Variants in AADACL2 observed in about 807,000 individuals in gnomAD.
The protein encoded by AADACL2 is arylacetamide deacetylase like 2.
Under a neutral mutation model 22.3 loss-of-function variants are expected in AADACL2, and 23 were observed. That is an observed-to-expected ratio of 1.03 (90% confidence interval 0.74 to 1.46). The LOEUF (loss-of-function observed/expected upper bound fraction) is 1.46, where lower values mean the gene tolerates loss of function less well. AADACL2 is among the 40% of genes most tolerant of loss of function. AADACL2 has a pLI of 0.00. For synonymous variants in AADACL2, 177 were observed against 166.2 expected, an observed-to-expected ratio of 1.07 and a Z score of -0.50; for missense variants, 472 against 482.9, an observed-to-expected ratio of 0.98 and a Z score of 0.21.
chr3:151,735,207 T>A (rs1301391432), intron 1 of AADACL2, among the ~76,000 whole-genome samples: 1 of 152,206 alleles, frequency 6.6e-6, no homozygotes, highest in Non-Finnish European at 1.5e-5. Context: ...AAGTGTCACT[T>A]CCACAGAGAA....
At chr3:151,738,783 A>G (rs1367341529) in intron 1 of AADACL2, among the ~76,000 whole-genome samples, 1 of 152,106 alleles carries the variant, frequency 6.6e-6, no homozygotes, top group Non-Finnish European at 1.5e-5. Context: ...CACTCGATTG[A>G]TTGAGCTATT....
intron 4 of AADACL2, among the ~76,000 whole-genome samples, chr3:151,753,519 A>G (rs1284331957): frequency 6.6e-6 from 1 of 152,122 alleles, no homozygotes; most frequent in Non-Finnish European, 1.5e-5. Flanking sequence ...TTCATAGTTT[A>G]TCCAGATACT....
At position 151,740,661 on chromosome 3, in the gene AADACL2, A is replaced by C; in HGVS notation, c.154A>C (p.Asn52His). 6.2e-7 allele frequency: 1 copy of C among 1,608,452 alleles called. No individual in the cohort carries two copies. The highest frequency in any genetic ancestry group is 8.5e-7 in the Non-Finnish European group (1 of 1,176,816). Residue 52 changes from asparagine to histidine, a missense_variant, in exon 2 of 5, where the codon AAT becomes CAT. Asn to His is a moderately conservative substitution (Grantham distance 68). This residue lies in a region of AADACL2 where 356 missense variants were observed against 365.5 expected (regional missense o/e 0.97). Coordinates refer to ENST00000356517, the MANE Select transcript of AADACL2 (RefSeq NM_207365.4). ...GTTCTTACAGGCTATGTGTTTTGAAAATATGCGTATTATGAGATATGAAGA... is the reference window on the plus strand; with the variant it reads ...GTTCTTACAGGCTATGTGTTTTGAACATATGCGTATTATGAGATATGAAGA... Reference protein sequence around the residue: ...TCTFTAMCFENMRIMRYEEFI... With the variant: ...TCTFTAMCFEHMRIMRYEEFI...
chr3:151,758,296 A>C lies in AADACL2; in HGVS notation c.*702A>C, dbSNP rs1714023942. On this transcript the variant is annotated 3_prime_UTR_variant, in exon 5 of 5. Coordinates refer to ENST00000356517, the MANE Select transcript of AADACL2 (RefSeq NM_207365.4). ...TCCAATCTCTTTCTGCTTCATCTTC[A>C]CATTGCCTTCTTCTCTGCCTGTGTC... 1 of 152,154 alleles carries C rather than the reference A, an allele frequency of 6.6e-6. No individual in the cohort carries two copies. Among genetic ancestry groups the C allele is most frequent in the Admixed American group, 6.6e-5 (1 of 15,244 alleles). 9.4% of individuals were successfully genotyped at this position (152,154 alleles called of 1,614,324 possible). A position where few individuals can be genotyped will look rare whatever the true frequency, so the allele number is the denominator to read the frequency against.
intron 4 of AADACL2, 90 bp downstream of exon 4, chr3:151,745,770 G>C (rs1713424694): frequency 7.6e-7 from 1 of 1,319,066 alleles, no homozygotes; most frequent in South Asian, 1.5e-5. Context: ...ACCATTTGTT[G>C]AAAAGACCAT....
At chr3:151,754,123 T>C (rs1713783269) in intron 4 of AADACL2, among the ~76,000 whole-genome samples, 1 of 152,108 alleles carries the variant, frequency 6.6e-6, no homozygotes, top group East Asian at 1.9e-4. Context: ...GATCATCCCT[T>C]CTCTGACTTT....
intron 2 of AADACL2, among the ~76,000 whole-genome samples, chr3:151,742,584 T>C (rs62274238): frequency 0.32 from 48,615 of 151,758 alleles, 8,061 homozygotes; most frequent in East Asian, 0.55. Context: ...GAAACGGATT[T>C]CTTGTGGCTG....
rs542139648 is a variant in AADACL2, at chr3:151,759,338, A to G, written c.*1744A>G. ...GAAAACAAGTCCTAGAAATCTCTTC[A>G]TTTTGACAGCAAGTGCTGATTTGTA... On this transcript the variant is annotated 3_prime_UTR_variant, in exon 5 of 5. Transcript: ENST00000356517. 1.8e-4 allele frequency: 28 copies of G among 152,252 alleles called. No homozygotes were observed. The highest frequency in any genetic ancestry group is 6.7e-4 in the African/African-American group (28 of 41,560). The allele number at this position is 152,252 out of a possible 1,614,324, so 9.4% of individuals were successfully genotyped here.
chr3:151,748,626 T>C (rs1713540426), intron 4 of AADACL2, among the ~76,000 whole-genome samples: 1 of 152,222 alleles, frequency 6.6e-6, no homozygotes, highest in Non-Finnish European at 1.5e-5. Context: ...GAGCAGATTA[T>C]TAAAAACAAT....
chr3:151,743,828 C>T (rs986227), intron 2 of AADACL2, among the ~76,000 whole-genome samples: 3 of 151,836 alleles, frequency 2.0e-5, no homozygotes, highest in Non-Finnish European at 4.4e-5. Flanking sequence ...GACGATATTA[C>T]AATAGGCTGA....
chr3:151,741,825 C>T (rs1713287577), intron 2 of AADACL2, among the ~76,000 whole-genome samples: 2 of 152,026 alleles, frequency 1.3e-5, no homozygotes, highest in African/African-American at 4.8e-5. Context: ...TTGAAAAATA[C>T]TAAGAAGTAT....
chr3:151,752,136 C>G (rs181997989), intron 4 of AADACL2, among the ~76,000 whole-genome samples: 3 of 148,974 alleles, frequency 2.0e-5, no homozygotes, highest in African/African-American at 7.4e-5. Flanking sequence ...ATTACCTGTA[C>G]TGTGTTTATT....
rs1714051646 is a variant in AADACL2, at chr3:151,758,841, A to G, written c.*1247A>G. On this transcript the variant is annotated 3_prime_UTR_variant, in exon 5 of 5. Coordinates refer to ENST00000356517, the MANE Select transcript of AADACL2 (RefSeq NM_207365.4). ...AATGTGTATATGTATGAGTATGTGC[A>G]TGTGTGTGGGAAAAATCTACCATCC... 1 of 152,094 alleles carries G rather than the reference A, an allele frequency of 6.6e-6. No individual in the cohort carries two copies. The highest frequency in any genetic ancestry group is 6.6e-5 in the Admixed American group (1 of 15,266). 9.4% of individuals were successfully genotyped at this position (152,094 alleles called of 1,614,324 possible).
chr3:151,735,165 C>G (rs1019854560), intron 1 of AADACL2, among the ~76,000 whole-genome samples: 3 of 152,042 alleles, frequency 2.0e-5, no homozygotes, highest in South Asian at 4.1e-4. Flanking sequence ...CTCCAATGCT[C>G]TTACTTCTTG....
At chr3:151,754,580 A>G (rs1178743702) in intron 4 of AADACL2, among the ~76,000 whole-genome samples, 1 of 152,196 alleles carries the variant, frequency 6.6e-6, no homozygotes, top group Non-Finnish European at 1.5e-5. Flanking sequence ...TCATGAAAAT[A>G]AAGTTCATTG....
At chr3:151,747,652 ACACACAC>A (rs1713499862) in intron 4 of AADACL2, among the ~76,000 whole-genome samples, 1 of 151,534 alleles carries the variant, frequency 6.6e-6, no homozygotes, top group African/African-American at 2.4e-5. Context: ...ATACACACAC[ACACACAC>A]CAAATTTTCT....
At chr3:151,756,288 T>C (rs769482804) in intron 4 of AADACL2, among the ~76,000 whole-genome samples, 44 of 152,112 alleles carry the variant, frequency 2.9e-4, no homozygotes, top group Non-Finnish European at 6.0e-4. Context: ...CCTTATCAAG[T>C]ACTTCACATT....
rs971188269 is a variant in AADACL2 at position 151,759,354 on chromosome 3, C to A, written c.*1760C>A. 1 of 152,138 alleles carries A rather than the reference C, an allele frequency of 6.6e-6. No homozygotes were observed. Among genetic ancestry groups the A allele is most frequent in the African/African-American group, 2.4e-5 (1 of 41,430 alleles). 9.4% of individuals were successfully genotyped at this position (152,138 alleles called of 1,614,324 possible). A position where few individuals can be genotyped will look rare whatever the true frequency, so the allele number is the denominator to read the frequency against. On this transcript the variant is annotated 3_prime_UTR_variant, in exon 5 of 5. Transcript: ENST00000356517. ...AATCTCTTCATTTTGACAGCAAGTGCTGATTTGTAAGAAAATCATTAAAAA... is the reference window on the plus strand; with the variant it reads ...AATCTCTTCATTTTGACAGCAAGTGATGATTTGTAAGAAAATCATTAAAAA...
Position 151,744,147 on chromosome 3 carries a change from T to C in AADACL2, c.416T>C (p.Val139Ala). Reference sequence around the variant, plus strand: ...TGGACGGCAAACACGCTTGATGCTGTTGTTGTAGGCGTGGAGTAAGAATGA... The same window carrying C: ...TGGACGGCAAACACGCTTGATGCTGCTGTTGTAGGCGTGGAGTAAGAATGA... ...NRWTANTLDA[V>A]VVGVDYRLAP... Residue 139 changes from valine (V) to alanine (A), a missense_variant, in exon 3 of 5, where the codon GTT (valine) becomes GCT (alanine). Val to Ala is a moderately conservative substitution (Grantham distance 64, BLOSUM62 0). Coordinates refer to ENST00000356517, the MANE Select transcript of AADACL2 (RefSeq NM_207365.4). 2 of 1,613,700 alleles carry C rather than the reference T, an allele frequency of 1.2e-6. No individual in the cohort carries two copies. The highest frequency in any genetic ancestry group is 1.7e-6 in the Non-Finnish European group (2 of 1,179,732).
Sources: allele counts gnomAD v4.1 joint callset (sites outside exome capture counted in the v4.1 genomes callset), GRCh38; gene constraint gnomAD v4.1.1; regional missense constraint gnomAD v4.1.1; transcripts MANE v1.5; gene names NCBI Gene and HGNC (gene_info 2026-07-23, HGNC 2026-07-21).